The following SCAF4 variants were observed in gnomAD, a reference collection of about 807,000 sequenced individuals.
SCAF4 encodes the protein SR-related and CTD-associated factor 4.
A neutral mutation model predicts 129.8 loss-of-function variants in SCAF4; 25 were observed. The observed-to-expected ratio is 0.19, with a 90% CI of 0.14 to 0.27. The LOEUF (loss-of-function observed/expected upper bound fraction) is 0.27, where lower values mean the gene tolerates loss of function less well. Ranked by LOEUF, SCAF4 falls within the 10% of genes least tolerant of loss-of-function variation. SCAF4 has a pLI of 1.00. For synonymous variants in SCAF4, 551 were observed against 497.7 expected (o/e 1.11, Z -1.43); for missense variants, 1,246 against 1,457.1 (o/e 0.86, Z 2.36).
At chr21:31,677,765 T>C (rs1254401409) in intron 19 of SCAF4, among the ~76,000 whole-genome samples, 1 of 152,154 alleles carries the variant, frequency 6.6e-6, no homozygotes, top group Non-Finnish European at 1.5e-5. Context: ...GTATAGATAG[T>C]GGTCAAAAGC....
rs373614255 is a variant in SCAF4 at position 31,695,905 on chromosome 21, CTAT to C, written c.1068+205_1068+207del. On this transcript the variant is annotated intron_variant, in intron 9 of 19. Coordinates refer to ENST00000286835, the MANE Select transcript of SCAF4 (RefSeq NM_020706.2). Reference sequence around the variant, plus strand: ...TACATTATTTTAACTAAAAAAATGCCTATTATTAAAATATGAGCATGTGATTTT... The same window carrying C: ...TACATTATTTTAACTAAAAAAATGCCTATTAAAATATGAGCATGTGATTTT... Among the ~76,000 whole-genome samples, 379 of 152,242 alleles carry C rather than the reference CTAT, an allele frequency of 2.5e-3. 2 individuals are homozygous for C. The highest frequency in any genetic ancestry group is 8.5e-3 in the African/African-American group (354 of 41,510).
In SCAF4 at chr21:31,690,898, A is replaced by G. The variant is rs1348761839; in HGVS notation, c.1784T>C (p.Val595Ala). 6.2e-7 allele frequency: 1 copy of G among 1,613,454 alleles called. No individual in the cohort carries two copies. The highest frequency in any genetic ancestry group is 8.5e-7 in the Non-Finnish European group (1 of 1,179,496). ...IKADYKQYWD[V>A]ELGVTYIPWD... ...TGGAATATAAGTAACACCAAGTTCT[A>G]CATCCCAATACTGCTTATAATCTGC... Residue 595 changes from valine (V) to alanine (A), a missense_variant, in exon 15 of 20, where the codon GTA becomes GCA. By Grantham distance (64) the Val-to-Ala change is moderately conservative (BLOSUM62 0). Transcript: ENST00000286835.
At chr21:31,695,875 A>C (rs2050373111) in intron 9 of SCAF4, among the ~76,000 whole-genome samples, 11 of 152,234 alleles carry the variant, frequency 7.2e-5, no homozygotes, top group Admixed American at 7.2e-4. Flanking sequence ...TAGAACTGTA[A>C]TCTCTACATT....
intron 1 of SCAF4, among the ~76,000 whole-genome samples, chr21:31,721,415 G>A (rs1287471110): frequency 6.6e-6 from 1 of 152,142 alleles, no homozygotes. Context: ...GGATATCACA[G>A]TAATTTTCGG....
intron 1 of SCAF4, among the ~76,000 whole-genome samples, chr21:31,720,868 T>C (rs1380802109): frequency 2.6e-5 from 4 of 152,140 alleles, no homozygotes. Flanking sequence ...AACAAAATAA[T>C]TTACAGAGCC....
Position 31,732,063 on chromosome 21 carries a change from CCT to C in SCAF4, c.-373_-372del. Reference sequence around the variant, plus strand: ...CGGCGAGCGGGCGGGCCTCTCTCTCCCTCTCTCCAGCGGGATGGCGGCAGCGG... The same window carrying C: ...CGGCGAGCGGGCGGGCCTCTCTCTCCCTCTCCAGCGGGATGGCGGCAGCGG... On this transcript the variant is annotated 5_prime_UTR_variant, in exon 1 of 20. Coordinates refer to ENST00000286835, the MANE Select transcript of SCAF4 (RefSeq NM_020706.2). The C allele has an allele frequency of 4.7e-6, 2 of 423,076 alleles. No homozygotes were observed. Among genetic ancestry groups the C allele is most frequent in the South Asian group, 1.6e-4 (2 of 12,558 alleles). The allele number at this position is 423,076 out of a possible 1,614,324, so 26.2% of individuals were successfully genotyped here. A position where few individuals can be genotyped will look rare whatever the true frequency, so the allele number is the denominator to read the frequency against.
rs998830801 is a variant in SCAF4, at chr21:31,671,611, T to C, written c.3232A>G (p.Lys1078Glu). 6.2e-7 allele frequency: 1 copy of C among 1,614,146 alleles called. No homozygotes were observed. Among genetic ancestry groups the C allele is most frequent in the Non-Finnish European group, 8.5e-7 (1 of 1,180,030 alleles). ...CTGTCTGTCACCTCAGGCTTTTCCTTTCCTCGGGCTTCTTCCTTCTCTCTA... is the reference window on the plus strand; with the variant it reads ...CTGTCTGTCACCTCAGGCTTTTCCTCTCCTCGGGCTTCTTCCTTCTCTCTA... Reference protein sequence around the residue: ...SRREKEEARGKEKPEVTDRAG... With the variant: ...SRREKEEARGEEKPEVTDRAG... Residue 1078 changes from lysine (K) to glutamate (E), a missense_variant, in exon 20 of 20, where the codon AAG becomes GAG. Physicochemically the swap from Lys to Glu is moderately conservative, Grantham distance 56. This residue lies in a region of SCAF4 where 339 missense variants were observed against 325.0 expected (regional missense o/e 1.04). Coordinates refer to ENST00000286835, the MANE Select transcript of SCAF4 (RefSeq NM_020706.2).
intron 1 of SCAF4, among the ~76,000 whole-genome samples, chr21:31,719,795 C>T (rs987853948): frequency 1.7e-4 from 26 of 152,130 alleles, no homozygotes; most frequent in South Asian, 1.0e-3. Context: ...TGAGCCACCG[C>T]GCCTGGCCAT....
chr21:31,692,425 C>G lies in SCAF4; in HGVS notation c.1538G>C (p.Gly513Ala). Residue 513 changes from glycine to alanine, a missense_variant, in exon 13 of 20, where the codon GGG (glycine) becomes GCG (alanine). Gly to Ala is a moderately conservative substitution (Grantham distance 60, BLOSUM62 0). This residue lies in a region of SCAF4 where 468 missense variants were observed against 605.5 expected (regional missense o/e 0.77). Transcript: ENST00000286835. The stretch of plus-strand genomic sequence containing the variant: ...CTGAGTAGTTCTTTTGTCCAGCTGC[C>G]CCACCCAGAGGGTAGTACTGCAAAC... The part of the protein sequence containing the change: ...ASVCSTTLWV[G>A]QLDKRTTQQD... The G allele has an allele frequency of 6.2e-7, 1 of 1,613,734 alleles. No individual in the cohort carries two copies. Among genetic ancestry groups the G allele is most frequent in the Non-Finnish European group, 8.5e-7 (1 of 1,179,796 alleles).
intron 19 of SCAF4, among the ~76,000 whole-genome samples, chr21:31,673,956 A>C (rs1420686692): frequency 1.3e-5 from 2 of 152,246 alleles, no homozygotes; most frequent in Non-Finnish European, 2.9e-5. Context: ...TCAAGTGGCC[A>C]AGCCAAATTA....
intron 19 of SCAF4, among the ~76,000 whole-genome samples, chr21:31,681,628 T>C (rs1349620737): frequency 2.6e-5 from 4 of 152,218 alleles, no homozygotes; most frequent in African/African-American, 9.7e-5. Context: ...CTGTAGCTAT[T>C]TGGGTGTGTG....
rs774080596 is a variant in SCAF4, at chr21:31,694,822, C to T, written c.1227G>A (p.Pro409=). ...QAQNEPLTQK[P]HQQEMEVEQP... is the part of the protein sequence containing the mutation. ...GAGAATAAAGTTTTACCTGCTGATG[C>T]GGCTTCTGTGTAAGTGGTTCATTTT... The change falls in exon 10 of 20, where the codon CCG becomes CCA. Residue 409 remains proline (P), a synonymous_variant. Transcript: ENST00000286835. The T allele has an allele frequency of 4.3e-6, 7 of 1,613,972 alleles. No homozygotes were observed. The highest frequency in any genetic ancestry group is 2.2e-5 in the East Asian group (1 of 44,874).
chr21:31,717,171 T>C (rs1324956741), intron 1 of SCAF4, among the ~76,000 whole-genome samples: 1 of 152,136 alleles, frequency 6.6e-6, no homozygotes, highest in African/African-American at 2.4e-5. Context: ...CGAAGAGAAA[T>C]TTAAAACTAT....
At chr21:31,673,497 A>G (rs1026924963) in intron 19 of SCAF4, among the ~76,000 whole-genome samples, 1 of 132,832 alleles carries the variant, frequency 7.5e-6, no homozygotes, top group Non-Finnish European at 1.6e-5. Context: ...TACCACAGCA[A>G]AAGCGCCAGA....
intron 18 of SCAF4, 75 bp from the exon 19 acceptor site, chr21:31,685,315 T>G: frequency 6.7e-7 from 1 of 1,492,720 alleles, no homozygotes; most frequent in Non-Finnish European, 9.3e-7. Context: ...TATGCCATAC[T>G]ATAGATCCTA....
intron 1 of SCAF4, among the ~76,000 whole-genome samples, chr21:31,710,159 G>A (rs2050765826): frequency 2.0e-5 from 3 of 152,108 alleles, no homozygotes; most frequent in Admixed American, 2.0e-4. Flanking sequence ...AAAGAAATAT[G>A]GATCTTGAAT....
intron 1 of SCAF4, among the ~76,000 whole-genome samples, chr21:31,712,127 TTCTGAA>T (rs1310766021): frequency 6.6e-6 from 1 of 152,158 alleles, no homozygotes; most frequent in Non-Finnish European, 1.5e-5. Context: ...AAATTCTTAT[TTCTGAA>T]TATTGACTCA....
rs760847839 is a variant in SCAF4, at chr21:31,716,597, CA to C, written c.31-10241del. 2.5e-4 allele frequency among the ~76,000 whole-genome samples: 38 copies of C among 152,158 alleles called. 1 individual carries two copies. Among genetic ancestry groups the C allele is most frequent in the African/African-American group, 8.4e-4 (35 of 41,538 alleles). ...ACAAAGCACACGCTAAATTTCTTAA[CA>C]AAAGATAATTTTAAACAAGTTTTAA... is the stretch of plus-strand genomic sequence containing the variant. On this transcript the variant is annotated intron_variant, in intron 1 of 19. Coordinates refer to ENST00000286835, the MANE Select transcript of SCAF4 (RefSeq NM_020706.2).
intron 19 of SCAF4, among the ~76,000 whole-genome samples, chr21:31,674,524 CA>C (rs928126349): frequency 7.9e-5 from 12 of 151,968 alleles, no homozygotes; most frequent in African/African-American, 2.4e-4. Flanking sequence ...CTTCAGACCA[CA>C]AAAAAAATTT....
Sources: gnomAD v4.1 joint callset for allele counts (sites outside exome capture counted in the v4.1 genomes callset) on GRCh38, gnomAD v4.1.1 for gene constraint, gnomAD v4.1.1 regional missense constraint, MANE v1.5 for transcripts, NCBI Gene and HGNC (gene_info 2026-07-23, HGNC 2026-07-21) for gene names.